Variants in DDX10 observed in about 807,000 individuals in gnomAD.
The protein encoded by DDX10 is probable ATP-dependent RNA helicase DDX10.
DDX10 carries 74 observed loss-of-function variants against 104.3 expected under a neutral mutation model. The observed-to-expected ratio is 0.71, with a 90% CI of 0.59 to 0.86. DDX10 has a LOEUF of 0.86. Ranked by LOEUF, DDX10 falls within the 40% of genes least tolerant of loss-of-function variation. The pLI is 0.00. For missense variants in DDX10, 952 were observed against 1,040.0 expected, an observed-to-expected ratio of 0.92 and a Z score of 1.16; for synonymous variants, 351 against 353.4, an observed-to-expected ratio of 0.99 and a Z score of 0.08.
chr11:108,821,913 A>G (rs566051050), intron 13 of DDX10, among the ~76,000 whole-genome samples: 1 of 152,356 alleles, frequency 6.6e-6, no homozygotes, highest in South Asian at 2.1e-4. Flanking sequence ...TTAAGAGGCA[A>G]GTGAACATGA....
intron 16 of DDX10, among the ~76,000 whole-genome samples, chr11:108,913,664 C>T (rs557041014): frequency 6.6e-6 from 1 of 152,240 alleles, no homozygotes; most frequent in South Asian, 2.1e-4. Flanking sequence ...CCCTATTTTC[C>T]TTTTATGGTC....
intron 13 of DDX10, among the ~76,000 whole-genome samples, chr11:108,823,239 A>G (rs1268897898): frequency 1.3e-5 from 2 of 152,242 alleles, no homozygotes; most frequent in Non-Finnish European, 2.9e-5. Context: ...GAAACGTAGT[A>G]CACATAGGCT....
intron 1 of DDX10, among the ~76,000 whole-genome samples, chr11:108,670,255 A>G (rs2094215261): frequency 6.6e-6 from 1 of 151,942 alleles, no homozygotes; most frequent in South Asian, 2.1e-4. Flanking sequence ...ACAAAATGGG[A>G]TTGGGTGAAC....
chr11:108,887,960 C>T (rs1301904742), intron 16 of DDX10, among the ~76,000 whole-genome samples: 1 of 9,420 alleles, frequency 1.1e-4, no homozygotes, highest in Non-Finnish European at 3.0e-4. Context: ...CAGCTTTTTT[C>T]CCCCCCACTT....
chr11:108,842,369 A>G (rs968279452), intron 15 of DDX10, among the ~76,000 whole-genome samples: 10 of 152,214 alleles, frequency 6.6e-5, no homozygotes, highest in African/African-American at 2.2e-4. Flanking sequence ...ATAATATTAA[A>G]TTTTGTATTA....
chr11:108,767,388 A>G (rs1480531548), intron 13 of DDX10: 1 of 152,210 alleles, frequency 6.6e-6, no homozygotes, highest in East Asian at 1.9e-4. Flanking sequence ...CAGGCATCGT[A>G]GACTTGATAA....
At chr11:108,804,450 G>A (rs1368502262) in intron 13 of DDX10, among the ~76,000 whole-genome samples, 4 of 129,138 alleles carry the variant, frequency 3.1e-5, no homozygotes, top group South Asian at 2.6e-4. Flanking sequence ...GCATTGAGCC[G>A]ATTGCACAAC....
chr11:108,703,328 A>G (rs1350142723), intron 9 of DDX10, among the ~76,000 whole-genome samples: 1 of 150,336 alleles, frequency 6.7e-6, no homozygotes, highest in East Asian at 2.0e-4. Context: ...ATAGAATTTT[A>G]AAGTGTAGAT....
At chr11:108,705,969 C>G (rs1396988678) in intron 9 of DDX10, among the ~76,000 whole-genome samples, 5 of 151,890 alleles carry the variant, frequency 3.3e-5, no homozygotes, top group South Asian at 2.1e-4. Flanking sequence ...TTGAACAGTT[C>G]TATTTCTTTC....
intron 16 of DDX10, among the ~76,000 whole-genome samples, chr11:108,854,462 A>G (rs555484211): frequency 1.3e-5 from 2 of 152,340 alleles, no homozygotes; most frequent in South Asian, 2.1e-4. Flanking sequence ...GAATCACTTT[A>G]GTCAGATTCC....
intron 13 of DDX10, among the ~76,000 whole-genome samples, chr11:108,748,273 C>G (rs114034694): frequency 6.6e-6 from 1 of 152,090 alleles, no homozygotes; most frequent in African/African-American, 2.4e-5. Context: ...AGAGAATGAG[C>G]GGAGACTTCT....
intron 16 of DDX10, among the ~76,000 whole-genome samples, chr11:108,895,307 A>G (rs745861639): frequency 6.6e-6 from 1 of 150,940 alleles, no homozygotes. Flanking sequence ...CTTCTGAGTT[A>G]TTAGTTCCCT....
intron 1 of DDX10, among the ~76,000 whole-genome samples, chr11:108,669,774 G>A (rs1013942473): frequency 9.2e-5 from 14 of 152,218 alleles, no homozygotes; most frequent in Non-Finnish European, 4.4e-5. Flanking sequence ...ATGTGGAAGA[G>A]GGAGGCGGAA....
intron 3 of DDX10, among the ~76,000 whole-genome samples, chr11:108,676,819 A>G (rs1320399047): frequency 5.9e-5 from 9 of 152,160 alleles, no homozygotes; most frequent in Non-Finnish European, 1.2e-4. Flanking sequence ...TGGGTTGTAC[A>G]TACCTTTCAC....
chr11:108,765,053 A>T (rs2094354941), intron 13 of DDX10, among the ~76,000 whole-genome samples: 2 of 152,222 alleles, frequency 1.3e-5, no homozygotes, highest in South Asian at 4.1e-4. Context: ...GCAAGGTTTC[A>T]ATAGACCTTT....
At chr11:108,890,905 A>G (rs1387770774) in intron 16 of DDX10, among the ~76,000 whole-genome samples, 1 of 152,162 alleles carries the variant, frequency 6.6e-6, no homozygotes, top group African/African-American at 2.4e-5. Context: ...CTGAACTGCT[A>G]GATGTGACCT....
chr11:108,862,000 C>CA (rs1459175296), intron 16 of DDX10, among the ~76,000 whole-genome samples: 1 of 151,882 alleles, frequency 6.6e-6, no homozygotes, highest in East Asian at 1.9e-4. Context: ...GCACTCCAGC[C>CA]AAAAAATCTC....
chr11:108,828,537 TTTTG>T (rs1453453786), intron 13 of DDX10, among the ~76,000 whole-genome samples: 2 of 152,222 alleles, frequency 1.3e-5, no homozygotes, highest in Non-Finnish European at 2.9e-5. Context: ...TTTTCTTTTT[TTTTG>T]TTTGTTTTTT....
intron 11 of DDX10, among the ~76,000 whole-genome samples, chr11:108,718,786 A>G (rs1358549712): frequency 1.3e-5 from 2 of 152,242 alleles, no homozygotes; most frequent in Non-Finnish European, 2.9e-5. Context: ...TCTGGATAGA[A>G]CAAAAGTGAT....
Sources: gnomAD v4.1 joint callset for allele counts (sites outside exome capture counted in the v4.1 genomes callset) on GRCh38, gnomAD v4.1.1 for gene constraint, MANE v1.5 for transcripts, NCBI Gene and HGNC (gene_info 2026-07-23, HGNC 2026-07-21) for gene names.